MEGF10: variants seen among roughly 807,000 people sequenced by gnomAD.
The protein encoded by MEGF10 is multiple EGF like domains 10.
A neutral mutation model predicts 147.5 loss-of-function variants in MEGF10; 86 were observed. The ratio of observed to expected loss-of-function variants is 0.58; its 90% CI spans 0.49 to 0.70. The LOEUF (loss-of-function observed/expected upper bound fraction) is 0.70, where lower values mean the gene tolerates loss of function less well. Among genes scored for constraint, MEGF10 ranks in the 30% least tolerant of loss-of-function variants. The pLI, the probability that MEGF10 is intolerant of heterozygous loss-of-function variation, is 0.00. For missense variants in MEGF10, 1,329 were observed against 1,487.3 expected (o/e 0.89, Z 1.75); for synonymous variants, 478 against 525.5 (o/e 0.91, Z 1.24).
chr5:127,360,923 A>C (rs567542018), intron 4 of MEGF10, among the ~76,000 whole-genome samples: 1 of 151,794 alleles, frequency 6.6e-6, no homozygotes, highest in Non-Finnish European at 1.5e-5. Context: ...ATCCTTTTAC[A>C]TATTGTTGGA....
the MEGF10 span, among the ~76,000 whole-genome samples, chr5:127,253,865 A>G: frequency 6.6e-6 from 1 of 152,132 alleles, no homozygotes; most frequent in Non-Finnish European, 1.5e-5. Context: ...TCCTTAAATT[A>G]TCTTTCTATA....
At chr5:127,335,913 A>G (rs1407303831) in intron 2 of MEGF10, among the ~76,000 whole-genome samples, 1 of 151,632 alleles carries the variant, frequency 6.6e-6, no homozygotes, top group Admixed American at 6.6e-5. Context: ...GAAAAAAAGG[A>G]AAAACTGTAT....
intron 5 of MEGF10, among the ~76,000 whole-genome samples, chr5:127,389,988 C>T (rs373524474): frequency 6.6e-6 from 1 of 152,042 alleles, no homozygotes; most frequent in African/African-American, 2.4e-5. Flanking sequence ...CAGATAGAAC[C>T]ATTTAAAAAA....
At chr5:127,408,215 C>T (rs962189786) in intron 8 of MEGF10, among the ~76,000 whole-genome samples, 2 of 152,232 alleles carry the variant, frequency 1.3e-5, no homozygotes, top group African/African-American at 2.4e-5. Flanking sequence ...ATACTACTTT[C>T]AACCACTTTT....
intron 10 of MEGF10, among the ~76,000 whole-genome samples, chr5:127,418,918 C>T (rs1446731951): frequency 1.3e-5 from 2 of 152,096 alleles, no homozygotes; most frequent in Non-Finnish European, 2.9e-5. Flanking sequence ...AATAATATAT[C>T]CTAAACATAG....
At chr5:127,375,225 T>G (rs1035150490) in intron 5 of MEGF10, among the ~76,000 whole-genome samples, 20 of 11,316 alleles carry the variant, frequency 1.8e-3, no homozygotes, top group African/African-American at 5.6e-3. Context: ...ATAGCTGTCT[T>G]TTTTTTTTCC....
At chr5:127,341,246 T>A (rs1360488319) in intron 4 of MEGF10, among the ~76,000 whole-genome samples, 1 of 152,228 alleles carries the variant, frequency 6.6e-6, no homozygotes. Flanking sequence ...GCATGTGAGA[T>A]GCAGTTTGCA....
chr5:127,315,497 C>T (rs146367784), intron 1 of MEGF10, among the ~76,000 whole-genome samples: 5 of 152,000 alleles, frequency 3.3e-5, no homozygotes, highest in Admixed American at 2.0e-4. Context: ...TGAATCTTGC[C>T]GGGCGTGGTG....
Position 127,296,916 on chromosome 5 carries a change from A to T in MEGF10, c.-19+5860A>T, listed in dbSNP as rs6869770. Among the ~76,000 whole-genome samples the T allele has an allele frequency of 4.8e-3, 732 of 152,310 alleles. 2 individuals carry two copies. Among genetic ancestry groups the T allele is most frequent in the African/African-American group, 0.017 (697 of 41,554 alleles). Reference sequence around the variant, plus strand: ...AAAATATGTGACTTGGTTCTTTAAAAAAGTAATAGGTTGGAGAGTTACTTT... The same window carrying T: ...AAAATATGTGACTTGGTTCTTTAAATAAGTAATAGGTTGGAGAGTTACTTT... On this transcript the variant is annotated intron_variant, in intron 1 of 24. Transcript: ENST00000503335.
chr5:127,310,268 GT>G (rs1048558821), intron 1 of MEGF10, among the ~76,000 whole-genome samples: 29 of 151,730 alleles, frequency 1.9e-4, no homozygotes, highest in African/African-American at 6.3e-4. Flanking sequence ...TAGGTTGTCT[GT>G]TTTGTTACTG....
At chr5:127,442,805 G>T (rs1230687052) in intron 18 of MEGF10, among the ~76,000 whole-genome samples, 193 bp from the exon 19 acceptor site, 1 of 152,198 alleles carries the variant, frequency 6.6e-6, no homozygotes, top group Non-Finnish European at 1.5e-5. Flanking sequence ...CTAGCCCTGT[G>T]CAGTCTGGAC....
At chr5:127,344,860 C>T (rs1368669018) in intron 4 of MEGF10, among the ~76,000 whole-genome samples, 1 of 152,162 alleles carries the variant, frequency 6.6e-6, no homozygotes, top group African/African-American at 2.4e-5. Context: ...TGATCGCTGA[C>T]CTTACAGGTA....
chr5:127,355,531 G>A (rs1255104776), intron 4 of MEGF10, among the ~76,000 whole-genome samples: 2 of 152,014 alleles, frequency 1.3e-5, no homozygotes, highest in African/African-American at 4.8e-5. Flanking sequence ...TATGGTGTCC[G>A]ACGTGGTTCA....
chr5:127,405,490 G>A (rs1438356193), intron 8 of MEGF10, among the ~76,000 whole-genome samples: 1 of 152,036 alleles, frequency 6.6e-6, no homozygotes. Context: ...AAACTTTCAA[G>A]GTAATTTTAA....
At chr5:127,311,528 A>G (rs1470968174) in intron 1 of MEGF10, among the ~76,000 whole-genome samples, 1 of 152,174 alleles carries the variant, frequency 6.6e-6, no homozygotes, top group Non-Finnish European at 1.5e-5. Context: ...ATGTGTTCAG[A>G]TGTGAGGTGT....
At chr5:127,276,115 T>A in the MEGF10 span, among the ~76,000 whole-genome samples, 1 of 152,230 alleles carries the variant, frequency 6.6e-6, no homozygotes, top group South Asian at 2.1e-4. Flanking sequence ...TTTTTCTTAG[T>A]GTAGTCAAAG....
chr5:127,300,718 T>G (rs1259416071), intron 1 of MEGF10, among the ~76,000 whole-genome samples: 1 of 152,238 alleles, frequency 6.6e-6, no homozygotes, highest in Non-Finnish European at 1.5e-5. Flanking sequence ...ATTTGAATCC[T>G]GGTGCAGCTG....
At chr5:127,336,888 C>T (rs1287446921) in intron 2 of MEGF10, among the ~76,000 whole-genome samples, 2 of 152,006 alleles carry the variant, frequency 1.3e-5, no homozygotes, top group African/African-American at 2.4e-5. Flanking sequence ...TACCTGTACA[C>T]CAGTTGTATA....
chr5:127,291,522 A>G (rs1401008729), intron 1 of MEGF10, among the ~76,000 whole-genome samples: 1 of 152,102 alleles, frequency 6.6e-6, no homozygotes, highest in Non-Finnish European at 1.5e-5. Flanking sequence ...CTTGGTATTC[A>G]GATTGTGCAG....
Sources: gnomAD v4.1 joint callset for allele counts (sites outside exome capture counted in the v4.1 genomes callset) on GRCh38, gnomAD v4.1.1 for gene constraint, MANE v1.5 for transcripts, NCBI Gene and HGNC (gene_info 2026-07-23, HGNC 2026-07-21) for gene names.